SLC16A10: variants seen among roughly 807,000 people sequenced by gnomAD.
SLC16A10 encodes solute carrier family 16 member 10, also known as monocarboxylate transporter 10.
SLC16A10 carries 27 observed loss-of-function variants against 40.0 expected under a neutral mutation model. The ratio of observed to expected loss-of-function variants is 0.67; its 90% CI spans 0.50 to 0.93. The LOEUF is 0.93. Among genes scored for constraint, SLC16A10 ranks in the 40% least tolerant of loss-of-function variants. SLC16A10 has a pLI of 0.00. For missense variants in SLC16A10, 529 were observed against 658.2 expected (o/e 0.80, Z 2.15); for synonymous variants, 213 against 249.8 (o/e 0.85, Z 1.39).
At position 111,230,934 on chromosome 6, in the gene SLC16A10, T is replaced by C. The variant is rs138235597; in HGVS notation, c.*8699T>C. ...TACCCTGGGGCCATTTTTGGCACAA[T>C]AGTTGTTCAAATGTAGATCACTATG... is the stretch of plus-strand genomic sequence containing the variant. On this transcript the variant is annotated 3_prime_UTR_variant, in exon 6 of 6. Transcript: ENST00000368851. 1.4e-4 allele frequency: 21 copies of C among 152,298 alleles called. No homozygotes were observed. The highest frequency in any genetic ancestry group is 4.6e-4 in the African/African-American group (19 of 41,566). 9.4% of individuals were successfully genotyped at this position (152,298 alleles called of 1,614,324 possible).
At chr6:111,131,199 C>T (rs111443414) in intron 1 of SLC16A10, among the ~76,000 whole-genome samples, 1,845 of 152,348 alleles carry the variant, frequency 0.012, 26 homozygotes, top group African/African-American at 0.043. Flanking sequence ...CCTCTGGATC[C>T]GGCAGGGTGT....
chr6:111,089,909 T>TA (rs1770942589), intron 1 of SLC16A10, among the ~76,000 whole-genome samples: 26 of 41,304 alleles, frequency 6.3e-4, no homozygotes, highest in African/African-American at 3.2e-3. Flanking sequence ...TGTGGGTGGG[T>TA]TTTTTTTTTT....
At chr6:111,208,217 G>A (rs572753058) in intron 4 of SLC16A10, among the ~76,000 whole-genome samples, 7 of 152,114 alleles carry the variant, frequency 4.6e-5, no homozygotes, top group East Asian at 1.9e-4. Context: ...GGACTCCAAC[G>A]ATCCACCCAT....
chr6:111,095,783 C>T (rs1246542005), intron 1 of SLC16A10, among the ~76,000 whole-genome samples: 2 of 152,224 alleles, frequency 1.3e-5, no homozygotes, highest in African/African-American at 2.4e-5. Context: ...CCATGTAAGA[C>T]ATGCCTTTGC....
intron 1 of SLC16A10, among the ~76,000 whole-genome samples, chr6:111,089,379 G>A (rs1770932019): frequency 6.6e-6 from 1 of 152,100 alleles, no homozygotes; most frequent in African/African-American, 2.4e-5. Context: ...AACTTAGGTG[G>A]TTTGCATTGT....
chr6:111,181,678 G>A (rs1275483145), intron 3 of SLC16A10, among the ~76,000 whole-genome samples: 1 of 152,176 alleles, frequency 6.6e-6, no homozygotes, highest in Non-Finnish European at 1.5e-5. Flanking sequence ...TTATTAGATT[G>A]TACATGATGA....
In SLC16A10 at chr6:111,228,859, AT is replaced by A. The variant is rs1032553005; in HGVS notation, c.*6625del. 2 of 151,926 alleles carry A rather than the reference AT, an allele frequency of 1.3e-5. No individual in the cohort carries two copies. The highest frequency in any genetic ancestry group is 4.8e-5 in the African/African-American group (2 of 41,358). 9.4% of individuals were successfully genotyped at this position (151,926 alleles called of 1,614,324 possible). On this transcript the variant is annotated 3_prime_UTR_variant, in exon 6 of 6. Coordinates refer to ENST00000368851, the MANE Select transcript of SLC16A10 (RefSeq NM_018593.5). Reference sequence around the variant, plus strand: ...AGCCTGACCAACATGGAGAAACCCCATCTCTACCAAAAATACAAAATTAGCC... The same window carrying A: ...AGCCTGACCAACATGGAGAAACCCCACTCTACCAAAAATACAAAATTAGCC...
At chr6:111,190,448 A>G (rs995955172) in intron 3 of SLC16A10, among the ~76,000 whole-genome samples, 7 of 152,188 alleles carry the variant, frequency 4.6e-5, no homozygotes, top group African/African-American at 1.7e-4. Flanking sequence ...TCATAGCTCC[A>G]CTAGGCAGTG....
intron 3 of SLC16A10, among the ~76,000 whole-genome samples, chr6:111,184,923 G>A (rs1772867834): frequency 6.6e-6 from 1 of 152,148 alleles, no homozygotes; most frequent in African/African-American, 2.4e-5. Context: ...GTAGCTATTA[G>A]ACCTTGCTAG....
At chr6:111,216,603 G>C (rs1320004306) in intron 4 of SLC16A10, among the ~76,000 whole-genome samples, 1 of 147,110 alleles carries the variant, frequency 6.8e-6, no homozygotes, top group Admixed American at 6.9e-5. Context: ...TTTTAGTAGA[G>C]ACGGGGTTTC....
chr6:111,131,097 C>A (rs1157926925), intron 1 of SLC16A10, among the ~76,000 whole-genome samples: 1 of 152,238 alleles, frequency 6.6e-6, no homozygotes, highest in Non-Finnish European at 1.5e-5. Flanking sequence ...CACACTCTTC[C>A]AGTCTGTGTT....
At chr6:111,183,940 G>A (rs763058016) in intron 3 of SLC16A10, among the ~76,000 whole-genome samples, 23 of 152,174 alleles carry the variant, frequency 1.5e-4, no homozygotes, top group Non-Finnish European at 2.9e-4. Flanking sequence ...TGAGCATAGG[G>A]CCTCGTGAGA....
intron 3 of SLC16A10, among the ~76,000 whole-genome samples, chr6:111,179,905 G>A (rs988164405): frequency 7.2e-5 from 11 of 152,202 alleles, no homozygotes; most frequent in African/African-American, 2.2e-4. Flanking sequence ...TACTGAGTTT[G>A]TCACTTTGTT....
At chr6:111,104,962 C>A (rs147228603) in intron 1 of SLC16A10, among the ~76,000 whole-genome samples, 1 of 150,904 alleles carries the variant, frequency 6.6e-6, no homozygotes, top group African/African-American at 2.4e-5. Flanking sequence ...TTCTCTAATT[C>A]AGATTTGCGT....
Position 111,177,611 on chromosome 6 carries a change from G to C in SLC16A10, c.888G>C (p.Trp296Cys), listed in dbSNP as rs1772711778. Reference sequence around the variant, plus strand: ...TCAAGGTGACAGCTTATGCAGTGTGGGCAGTTGGAATACCACTTGCACTTT... The same window carrying C: ...TCAAGGTGACAGCTTATGCAGTGTGCGCAGTTGGAATACCACTTGCACTTT... ...AIFKVTAYAV[W>C]AVGIPLALFG... Residue 296 changes from tryptophan (W) to cysteine (C), a missense_variant, in exon 3 of 6, where the codon TGG becomes TGC. Physicochemically the swap from Trp to Cys is radical, Grantham distance 215. Transcript: ENST00000368851. The C allele has an allele frequency of 6.3e-7, 1 of 1,599,192 alleles. No homozygotes were observed. The highest frequency in any genetic ancestry group is 8.5e-7 in the Non-Finnish European group (1 of 1,172,830).
chr6:111,129,894 ATTTTT>A (rs1047427435), intron 1 of SLC16A10, among the ~76,000 whole-genome samples: 1 of 151,848 alleles, frequency 6.6e-6, no homozygotes, highest in South Asian at 2.1e-4. Flanking sequence ...ATTCAAAGTG[ATTTTT>A]TTTTAATTTT....
chr6:111,213,259 C>T (rs1007660588), intron 4 of SLC16A10, among the ~76,000 whole-genome samples: 1 of 152,100 alleles, frequency 6.6e-6, no homozygotes, highest in Non-Finnish European at 1.5e-5. Context: ...GGATGCAAAC[C>T]GAACTGTTAA....
At chr6:111,172,667 TC>T (rs756207892) in intron 1 of SLC16A10, 27 bp from the exon 2 acceptor site, 39 of 1,602,886 alleles carry the variant, frequency 2.4e-5, no homozygotes, top group Non-Finnish European at 3.2e-5. Context: ...ATGTCATAAT[TC>T]CCCCCACGCT....
At chr6:111,098,835 C>A (rs1771123353) in intron 1 of SLC16A10, among the ~76,000 whole-genome samples, 1 of 152,136 alleles carries the variant, frequency 6.6e-6, no homozygotes, top group Non-Finnish European at 1.5e-5. Context: ...CATTGTTGTC[C>A]TGTAGTAACG....
Sources: gnomAD v4.1 joint callset for allele counts (sites outside exome capture counted in the v4.1 genomes callset) on GRCh38, gnomAD v4.1.1 for gene constraint, MANE v1.5 for transcripts, NCBI Gene and HGNC (gene_info 2026-07-23, HGNC 2026-07-21) for gene names.